Variants in PDGFRL observed in about 807,000 individuals in gnomAD.
The protein encoded by PDGFRL is platelet-derived growth factor receptor-like protein.
PDGFRL carries 46 observed loss-of-function variants against 37.2 expected under a neutral mutation model. The ratio of observed to expected loss-of-function variants is 1.24; its 90% CI spans 0.98 to 1.58. PDGFRL has a LOEUF of 1.58. Ranked by LOEUF, PDGFRL falls within the 40% of genes most tolerant of loss-of-function variation. PDGFRL has a pLI of 0.00. For missense variants in PDGFRL, 692 were observed against 467.6 expected (o/e 1.48, Z -4.43); for synonymous variants, 251 against 184.3 (o/e 1.36, Z -2.93).
chr8:17,601,759 G>A (rs983966008), intron 2 of PDGFRL, among the ~76,000 whole-genome samples: 4 of 152,104 alleles, frequency 2.6e-5, no homozygotes, highest in African/African-American at 9.7e-5. Context: ...TTAGGATAAT[G>A]GCCTCCAGCT....
At chr8:17,630,974 A>G (rs1000762997) in intron 4 of PDGFRL, among the ~76,000 whole-genome samples, 2 of 151,984 alleles carry the variant, frequency 1.3e-5, no homozygotes, top group Non-Finnish European at 2.9e-5. Context: ...TGTCTACCTG[A>G]TCACCTGACT....
intron 1 of PDGFRL, among the ~76,000 whole-genome samples, chr8:17,587,827 G>T (rs1364493412): frequency 1.3e-5 from 2 of 151,894 alleles, no homozygotes; most frequent in African/African-American, 4.8e-5. Flanking sequence ...ATGGGGTTTC[G>T]CCATGTTGCC....
chr8:17,611,363 C>T (rs969560524), intron 2 of PDGFRL, among the ~76,000 whole-genome samples: 5 of 152,232 alleles, frequency 3.3e-5, no homozygotes, highest in African/African-American at 9.6e-5. Context: ...ACACTGTCAC[C>T]TTTAACCGTA....
At chr8:17,603,673 A>G (rs1290099283) in intron 2 of PDGFRL, among the ~76,000 whole-genome samples, 2 of 152,204 alleles carry the variant, frequency 1.3e-5, no homozygotes, top group Non-Finnish European at 2.9e-5. Flanking sequence ...GGTCTCTGCT[A>G]GGCAGATGAT....
intron 4 of PDGFRL, 114 bp from the exon 5 acceptor site, chr8:17,633,960 G>C (rs1345850654): frequency 2.9e-6 from 3 of 1,039,918 alleles, no homozygotes; most frequent in Non-Finnish European, 4.5e-6. Context: ...TGGTCAGGGA[G>C]CTGTGAGAAA....
At chr8:17,604,299 G>A (rs957274844) in intron 2 of PDGFRL, among the ~76,000 whole-genome samples, 18 of 152,210 alleles carry the variant, frequency 1.2e-4, no homozygotes, top group South Asian at 2.1e-4. Context: ...TGTTTATAGC[G>A]GCACTATTCA....
Position 17,642,798 on chromosome 8 carries a change from C to T in PDGFRL, c.1125C>T (p.Ser375=), listed in dbSNP as rs550744324. 6 of 1,595,328 alleles carry T rather than the reference C, an allele frequency of 3.8e-6. No individual in the cohort carries two copies. The African/African-American group carries it at 5.4e-5, about 14-fold the overall frequency. The change falls in exon 6 of 6, where the codon TCC becomes TCT. Residue 375 remains serine, a synonymous_variant. Coordinates refer to ENST00000251630, the MANE Select transcript of PDGFRL (RefSeq NM_001372073.1). ...CAGTAGCTACCACTGTTGAGTTTTC[C>T]TGACTTGGAAAAGGAAATGTAATGA... The part of the protein sequence containing the change: ...QTTVATTVEF[S]
intron 2 of PDGFRL, among the ~76,000 whole-genome samples, chr8:17,593,401 G>C (rs1803984114): frequency 6.6e-6 from 1 of 150,830 alleles, no homozygotes; most frequent in Non-Finnish European, 1.5e-5. Context: ...AGACCAGCTT[G>C]GGCAACATGA....
At chr8:17,592,118 G>A (rs145352123) in intron 2 of PDGFRL, among the ~76,000 whole-genome samples, 3 of 152,192 alleles carry the variant, frequency 2.0e-5, no homozygotes, top group Admixed American at 1.3e-4. Context: ...ACATCCCATC[G>A]GTCACCAAGT....
In PDGFRL at chr8:17,589,685, T is replaced by A; in HGVS notation, c.273T>A (p.Thr91=). 2 of 1,613,594 alleles carry A rather than the reference T, an allele frequency of 1.2e-6. No homozygotes were observed. Among genetic ancestry groups the A allele is most frequent in the Non-Finnish European group, 1.7e-6 (2 of 1,179,586 alleles). Residue 91 remains threonine (T), a synonymous_variant, in exon 2 of 6, where the codon ACT becomes ACA. Coordinates refer to ENST00000251630, the MANE Select transcript of PDGFRL (RefSeq NM_001372073.1). ...AATLSLLAGQ[T]VELRCKGSRI... Reference sequence around the variant, plus strand: ...CCCTGAGTCTGCTGGCGGGGCAAACTGTAGAGCTTCGATGTAAAGGGAGTA... The same window carrying A: ...CCCTGAGTCTGCTGGCGGGGCAAACAGTAGAGCTTCGATGTAAAGGGAGTA...
rs759898851 is a variant in PDGFRL, at chr8:17,628,758, G to T, written c.777G>T (p.Lys259Asn). The T allele has an allele frequency of 1.2e-5, 20 of 1,613,870 alleles. No homozygotes were observed. The highest frequency in any genetic ancestry group is 4.2e-6 in the Non-Finnish European group (5 of 1,179,884). ...GGGGCAGATCTCAGATCTCCGTCAA[G>T]TACCAGCTGCTCTATGTGGCGGGTA... ...EAGGRSQISV[K>N]YQLLYVAVPS... The change falls in exon 4 of 6, where the codon AAG becomes AAT. Residue 259 changes from lysine to asparagine, a missense_variant. Lys to Asn is a moderately conservative substitution (Grantham distance 94). Transcript: ENST00000251630.
At position 17,628,695 on chromosome 8, in the gene PDGFRL, C is replaced by G. The variant is rs999704813; in HGVS notation, c.714C>G (p.Ser238=). 1 of 1,613,768 alleles carries G rather than the reference C, an allele frequency of 6.2e-7. No individual in the cohort carries two copies. The highest frequency in any genetic ancestry group is 1.3e-5 in the African/African-American group (1 of 74,918). Residue 238 remains serine (S), a synonymous_variant, in exon 4 of 6, where the codon TCC becomes TCG. Transcript: ENST00000251630. ...GCTTTGTGTATCTGCAACCTCATTC[C>G]GAGCACCAGGGTGTGGTTTACTGCA... ...KRGFVYLQPH[S]EHQGVVYCRA...
rs1470140022 is a variant in PDGFRL, at chr8:17,633,453, G to A, written c.800-621G>A. Among the ~76,000 whole-genome samples, 8 of 152,230 alleles carry A rather than the reference G, an allele frequency of 5.3e-5. No homozygotes were observed. The East Asian group carries it at 9.7e-4, about 18-fold the overall frequency. Reference sequence around the variant, plus strand: ...TGAGGCAGGAGAATGGTGTGAACCCGGGAGGCAGAACTTGCAGTGAGCCGA... The same window carrying A: ...TGAGGCAGGAGAATGGTGTGAACCCAGGAGGCAGAACTTGCAGTGAGCCGA... On this transcript the variant is annotated intron_variant, in intron 4 of 5. Coordinates refer to ENST00000251630, the MANE Select transcript of PDGFRL (RefSeq NM_001372073.1).
intron 2 of PDGFRL, among the ~76,000 whole-genome samples, chr8:17,594,828 A>G (rs1804018244): frequency 6.6e-6 from 1 of 152,218 alleles, no homozygotes; most frequent in African/African-American, 2.4e-5. Flanking sequence ...GGCGTGAGCC[A>G]CTGTGCCTGG....
chr8:17,593,721 C>G (rs1222124537), intron 2 of PDGFRL, among the ~76,000 whole-genome samples: 2 of 151,840 alleles, frequency 1.3e-5, no homozygotes, highest in African/African-American at 4.8e-5. Context: ...ACAGCGAAAC[C>G]CCGTCTCTAC....
At chr8:17,582,826 C>A (rs1199498913) in intron 1 of PDGFRL, among the ~76,000 whole-genome samples, 4 of 152,116 alleles carry the variant, frequency 2.6e-5, no homozygotes, top group African/African-American at 9.7e-5. Context: ...TTTTGGAAAT[C>A]TTTGAGGAGC....
chr8:17,631,106 G>T (rs1804852591), intron 4 of PDGFRL, among the ~76,000 whole-genome samples: 1 of 152,120 alleles, frequency 6.6e-6, no homozygotes, highest in South Asian at 2.1e-4. Flanking sequence ...TGGCATAGGG[G>T]CAGGCTAGGA....
intron 2 of PDGFRL, among the ~76,000 whole-genome samples, chr8:17,598,960 C>T (rs1186647169): frequency 6.6e-6 from 1 of 152,184 alleles, no homozygotes; most frequent in Non-Finnish European, 1.5e-5. Flanking sequence ...AACTGTGAAT[C>T]CATTCAACTT....
intron 2 of PDGFRL, among the ~76,000 whole-genome samples, chr8:17,595,330 C>T (rs1297291673): frequency 6.6e-6 from 1 of 152,162 alleles, no homozygotes; most frequent in African/African-American, 2.4e-5. Flanking sequence ...TTTCCTGCTC[C>T]CAAAGGTGCC....
Sources: gnomAD v4.1 joint callset for allele counts (sites outside exome capture counted in the v4.1 genomes callset) on GRCh38, gnomAD v4.1.1 for gene constraint, MANE v1.5 for transcripts, NCBI Gene and HGNC (gene_info 2026-07-23, HGNC 2026-07-21) for gene names.